SGCD: variants seen among roughly 807,000 people sequenced by gnomAD.
The protein encoded by SGCD is sarcoglycan delta.
Under a neutral mutation model 36.6 loss-of-function variants are expected in SGCD, and 18 were observed. That is an observed-to-expected ratio of 0.49 (90% confidence interval 0.34 to 0.73). SGCD has a LOEUF of 0.73. Among genes scored for constraint, SGCD ranks in the 30% least tolerant of loss-of-function variants. The pLI is 0.01. For synonymous variants in SGCD, 133 were observed against 130.6 expected (o/e 1.02, Z -0.12); for missense variants, 387 against 346.7 (o/e 1.12, Z -0.92).
chr5:155,811,912 G>A, the SGCD span, among the ~76,000 whole-genome samples: 1 of 143,466 alleles, frequency 7.0e-6, no homozygotes, highest in Non-Finnish European at 1.5e-5. Flanking sequence ...GAAGTACAGT[G>A]CATTTGTATG....
intron 7 of SGCD, among the ~76,000 whole-genome samples, chr5:156,742,355 T>A (rs1308072706): frequency 6.6e-6 from 1 of 152,156 alleles, no homozygotes; most frequent in Admixed American, 6.5e-5. Flanking sequence ...AAACTCATGA[T>A]GTTCTATCCA....
At chr5:156,353,620 G>A (rs1192817133) in intron 3 of SGCD, among the ~76,000 whole-genome samples, 3 of 152,126 alleles carry the variant, frequency 2.0e-5, no homozygotes, top group African/African-American at 2.4e-5. Context: ...GCTTCAATGC[G>A]GGTGCCAGCT....
chr5:156,344,482 A>T lies in SGCD; in HGVS notation c.4-7A>T. On this transcript the variant is annotated splice_polypyrimidine_tract_variant and splice_region_variant and intron_variant, in intron 2 of 8. Transcript: ENST00000337851. Reference sequence around the variant, plus strand: ...TGAGTGCTTCTCTCTTGCCTCGTTTATTTCAGATGCCTCAGGAGCAGTACA... The same window carrying T: ...TGAGTGCTTCTCTCTTGCCTCGTTTTTTTCAGATGCCTCAGGAGCAGTACA... The T allele has an allele frequency of 6.5e-7, 1 of 1,542,148 alleles. No individual in the cohort carries two copies. The highest frequency in any genetic ancestry group is 8.7e-7 in the Non-Finnish European group (1 of 1,153,926).
At chr5:155,783,169 A>T in the SGCD span, among the ~76,000 whole-genome samples, 1 of 152,166 alleles carries the variant, frequency 6.6e-6, no homozygotes, top group Non-Finnish European at 1.5e-5. Context: ...TAAATCATGC[A>T]TGTATGTGCT....
chr5:155,908,133 A>G (rs1001202036), intron 1 of SGCD, among the ~76,000 whole-genome samples: 33 of 152,276 alleles, frequency 2.2e-4, no homozygotes, highest in African/African-American at 7.7e-4. Flanking sequence ...TTTAATTAAC[A>G]TGTACATATA....
chr5:155,967,786 A>G (rs1757931747), intron 1 of SGCD, among the ~76,000 whole-genome samples: 1 of 151,922 alleles, frequency 6.6e-6, no homozygotes, highest in Admixed American at 6.6e-5. Context: ...TCCTCAACCC[A>G]TTTCCTCTTA....
chr5:155,853,113 A>G, the SGCD span, among the ~76,000 whole-genome samples: 7 of 151,418 alleles, frequency 4.6e-5, no homozygotes, highest in Admixed American at 2.0e-4. Context: ...ATAATGGATA[A>G]AAACATCCAT....
At chr5:156,145,906 A>T (rs1411964364) in intron 3 of SGCD, among the ~76,000 whole-genome samples, 3 of 152,216 alleles carry the variant, frequency 2.0e-5, no homozygotes, top group African/African-American at 7.2e-5. Flanking sequence ...TGAGCAACAG[A>T]TATAGCTTTA....
At chr5:155,952,095 T>C (rs1175182387) in intron 1 of SGCD, among the ~76,000 whole-genome samples, 1 of 152,170 alleles carries the variant, frequency 6.6e-6, no homozygotes. Context: ...CAGGTGTTCA[T>C]TGTGTACCAC....
intron 4 of SGCD, among the ~76,000 whole-genome samples, chr5:156,519,043 A>C (rs906169909): frequency 1.3e-5 from 2 of 152,144 alleles, no homozygotes; most frequent in African/African-American, 4.8e-5. Flanking sequence ...AAATTCAAAA[A>C]ATCAACAAAT....
chr5:155,798,265 T>A, the SGCD span, among the ~76,000 whole-genome samples: 3 of 152,244 alleles, frequency 2.0e-5, no homozygotes, highest in African/African-American at 7.2e-5. Context: ...TGGCTAATGT[T>A]CACCCAGTTC....
intron 4 of SGCD, among the ~76,000 whole-genome samples, chr5:156,523,361 AGGAAACT>A (rs1479306610): frequency 2.0e-5 from 3 of 152,220 alleles, no homozygotes; most frequent in African/African-American, 7.2e-5. Context: ...CACTATGAGA[AGGAAACT>A]GGAAACAACA....
At chr5:156,718,237 A>G (rs113168434) in intron 7 of SGCD, among the ~76,000 whole-genome samples, 6 of 152,248 alleles carry the variant, frequency 3.9e-5, no homozygotes, top group African/African-American at 1.4e-4. Flanking sequence ...CATAAGTACT[A>G]TGCAGTACAC....
At chr5:156,518,741 G>A (rs935306186) in intron 4 of SGCD, among the ~76,000 whole-genome samples, 4 of 152,104 alleles carry the variant, frequency 2.6e-5, no homozygotes, top group Non-Finnish European at 4.4e-5. Flanking sequence ...TGAGCAACCT[G>A]TTCCCAAGTG....
At chr5:156,520,927 G>A (rs1291907886) in intron 4 of SGCD, among the ~76,000 whole-genome samples, 1 of 146,392 alleles carries the variant, frequency 6.8e-6, no homozygotes, top group Non-Finnish European at 1.5e-5. Context: ...TGAGGCAGGA[G>A]AATGGCATGA....
chr5:156,334,633 T>C (rs1768244413), intron 2 of SGCD, among the ~76,000 whole-genome samples: 1 of 139,032 alleles, frequency 7.2e-6, no homozygotes, highest in Admixed American at 7.0e-5. Context: ...TTTTTTTGGC[T>C]TTTTTTTAGG....
At chr5:155,770,082 A>G in the SGCD span, among the ~76,000 whole-genome samples, 6 of 152,012 alleles carry the variant, frequency 3.9e-5, no homozygotes, top group African/African-American at 1.4e-4. Flanking sequence ...GCATTCATTC[A>G]TAGTGTGACT....
chr5:155,960,533 CT>C (rs916272180), intron 1 of SGCD, among the ~76,000 whole-genome samples: 4 of 152,022 alleles, frequency 2.6e-5, no homozygotes, highest in African/African-American at 9.7e-5. Context: ...ACACATACCC[CT>C]ACCTTACCCT....
intron 3 of SGCD, among the ~76,000 whole-genome samples, chr5:156,275,205 G>T (rs1261421454): frequency 6.6e-6 from 1 of 152,102 alleles, no homozygotes; most frequent in Non-Finnish European, 1.5e-5. Flanking sequence ...ACTATCCACA[G>T]GGTAGAAAGG....
Sources: gnomAD v4.1 joint callset for allele counts (sites outside exome capture counted in the v4.1 genomes callset) on GRCh38, gnomAD v4.1.1 for gene constraint, MANE v1.5 for transcripts, NCBI Gene and HGNC (gene_info 2026-07-23, HGNC 2026-07-21) for gene names.